The following CDH13 variants were observed in gnomAD, a reference collection of about 807,000 sequenced individuals.
CDH13 encodes cadherin 13, also known as cadherin-13.
A neutral mutation model predicts 63.8 loss-of-function variants in CDH13; 24 were observed. That is an observed-to-expected ratio of 0.38 (90% CI 0.27 to 0.53). The LOEUF (loss-of-function observed/expected upper bound fraction) is 0.53, where lower values mean the gene tolerates loss of function less well. Among genes scored for constraint, CDH13 ranks in the 20% least tolerant of loss-of-function variants. CDH13 has a pLI of 0.85. For synonymous variants in CDH13, 503 were observed against 355.3 expected (o/e 1.42, Z -4.67); for missense variants, 1,049 against 903.1 (o/e 1.16, Z -2.07).
chr16:83,145,379 C>G (rs535162479), intron 4 of CDH13, among the ~76,000 whole-genome samples: 2 of 152,290 alleles, frequency 1.3e-5, no homozygotes, highest in South Asian at 2.1e-4. Flanking sequence ...AAATAATTAT[C>G]AGAGAGCTTA....
Position 83,196,114 on chromosome 16 carries a change from G to A in CDH13, c.484-21231G>A, listed in dbSNP as rs570946512. 1.5e-4 allele frequency among the ~76,000 whole-genome samples: 23 copies of A among 152,280 alleles called. No individual in the cohort carries two copies. The East Asian group carries it at 3.9e-3, about 26-fold the overall frequency. ...CTACTAAAAATACAAAAATTAGCCA[G>A]GCTTGGTGGTGGGCACCTGTAGTGC... On this transcript the variant is annotated intron_variant, in intron 4 of 13. Coordinates refer to ENST00000567109, the MANE Select transcript of CDH13 (RefSeq NM_001257.5).
At chr16:82,732,678 T>A (rs1284862966) in intron 1 of CDH13, among the ~76,000 whole-genome samples, 1 of 152,196 alleles carries the variant, frequency 6.6e-6, no homozygotes, top group Non-Finnish European at 1.5e-5. Flanking sequence ...AATTTTCTAG[T>A]CCGTGTGCTA....
At chr16:83,672,409 C>CTTGTTTTTTTTTTT (rs1914579541) in intron 9 of CDH13, among the ~76,000 whole-genome samples, 1 of 35,108 alleles carries the variant, frequency 2.8e-5, no homozygotes, top group Non-Finnish European at 5.0e-5. Context: ...TCTGGATTCT[C>CTTGTTTTTTTTTTT]TTTTTTTTTT....
chr16:82,885,466 CCCATCCATCCATCCACCCAT>C (rs1567629780), intron 2 of CDH13, among the ~76,000 whole-genome samples: 1 of 129,224 alleles, frequency 7.7e-6, no homozygotes, highest in African/African-American at 3.0e-5. Flanking sequence ...CATCCACCTA[CCCATCCATCCATCCACCCAT>C]CCATCCATCC....
intron 5 of CDH13, among the ~76,000 whole-genome samples, chr16:83,227,398 C>T (rs1334263371): frequency 6.6e-6 from 1 of 152,070 alleles, no homozygotes; most frequent in Non-Finnish European, 1.5e-5. Context: ...GTGAAGCCAG[C>T]CTTGGGCCTC....
At chr16:83,001,288 A>G (rs1263422139) in intron 2 of CDH13, among the ~76,000 whole-genome samples, 1 of 152,248 alleles carries the variant, frequency 6.6e-6, no homozygotes, top group African/African-American at 2.4e-5. Flanking sequence ...ATGCATTTCT[A>G]GCCTTCTATT....
chr16:83,459,354 G>A (rs2073113455), intron 6 of CDH13, among the ~76,000 whole-genome samples: 1 of 152,142 alleles, frequency 6.6e-6, no homozygotes, highest in South Asian at 2.1e-4. Flanking sequence ...TAAATTATCG[G>A]ACAGAAACAC....
chr16:83,523,045 C>G (rs923661833), intron 7 of CDH13, among the ~76,000 whole-genome samples: 2 of 152,200 alleles, frequency 1.3e-5, no homozygotes, highest in African/African-American at 4.8e-5. Flanking sequence ...AATGTCACTT[C>G]TCCAAAGAAG....
intron 1 of CDH13, among the ~76,000 whole-genome samples, chr16:82,854,767 G>A (rs926330487): frequency 6.6e-6 from 1 of 152,150 alleles, no homozygotes; most frequent in Non-Finnish European, 1.5e-5. Context: ...CATGCTCCCA[G>A]AGAGATCTAT....
At chr16:83,205,715 C>G (rs1330306165) in intron 4 of CDH13, among the ~76,000 whole-genome samples, 1 of 151,372 alleles carries the variant, frequency 6.6e-6, no homozygotes, top group African/African-American at 2.4e-5. Context: ...AGCGATTCCC[C>G]TGCCTCAGCC....
intron 5 of CDH13, among the ~76,000 whole-genome samples, chr16:83,324,483 A>G (rs370525447): frequency 7.9e-5 from 12 of 152,174 alleles, no homozygotes; most frequent in African/African-American, 2.4e-4. Context: ...AACTTTTTTA[A>G]TGAAAGGAAT....
intron 4 of CDH13, among the ~76,000 whole-genome samples, chr16:83,164,149 G>T (rs1450149383): frequency 2.7e-5 from 4 of 148,354 alleles, no homozygotes; most frequent in African/African-American, 1.0e-4. Context: ...AGCGTAGGTT[G>T]CTTAGTGCCA....
At chr16:82,799,854 A>G (rs2036766381) in intron 1 of CDH13, among the ~76,000 whole-genome samples, 1 of 152,202 alleles carries the variant, frequency 6.6e-6, no homozygotes, top group East Asian at 1.9e-4. Flanking sequence ...TCTACTGATG[A>G]TGGATTTTGG....
chr16:83,497,966 C>G (rs1041010612), intron 7 of CDH13, among the ~76,000 whole-genome samples: 1 of 152,204 alleles, frequency 6.6e-6, no homozygotes, highest in African/African-American at 2.4e-5. Flanking sequence ...CAGCATAGTT[C>G]ATTTCTCCCA....
rs746864894 is a variant in CDH13 at position 83,336,383 on chromosome 16, A to C, written c.637-8479A>C. Among the ~76,000 whole-genome samples, 33 of 152,136 alleles carry C rather than the reference A, an allele frequency of 2.2e-4. 1 individual carries two copies. The highest frequency in any genetic ancestry group is 3.7e-4 in the Non-Finnish European group (25 of 68,018). On this transcript the variant is annotated intron_variant, in intron 5 of 13. Coordinates refer to ENST00000567109, the MANE Select transcript of CDH13 (RefSeq NM_001257.5). ...TGACTTATAGACGGGTTCCAATAGA[A>C]GTTTCTGAAGAGGTATTCCAGAGAT... is the stretch of plus-strand genomic sequence containing the variant.
chr16:82,989,745 A>G (rs1464234624), intron 2 of CDH13, among the ~76,000 whole-genome samples: 1 of 152,160 alleles, frequency 6.6e-6, no homozygotes, highest in Non-Finnish European at 1.5e-5. Flanking sequence ...CCACCTATAC[A>G]GAAGTGACTT....
intron 1 of CDH13, among the ~76,000 whole-genome samples, chr16:82,818,139 T>TGTGTGTGTGTGTGTG (rs1555523731): frequency 3.4e-4 from 52 of 151,466 alleles, no homozygotes; most frequent in African/African-American, 1.1e-3. Flanking sequence ...TGTGTGTGTG[T>TGTGTGTGTGTGTGTG]TTTGGGAAGA....
chr16:83,260,097 T>TACACACAC (rs61647390), intron 5 of CDH13, among the ~76,000 whole-genome samples: 4,527 of 126,458 alleles, frequency 0.036, 179 homozygotes, highest in East Asian at 0.08. Context: ...GTACCCCCAA[T>TACACACAC]ACACACACAC....
Position 83,048,813 on chromosome 16 carries a change from T to C in CDH13, c.366+16595T>C, listed in dbSNP as rs1180394901. Among the ~76,000 whole-genome samples, 3 of 152,104 alleles carry C rather than the reference T, an allele frequency of 2.0e-5. No individual in the cohort carries two copies. The East Asian group carries it at 5.8e-4, about 29-fold the overall frequency. The stretch of plus-strand genomic sequence containing the variant: ...CTCCTCTGTGAATCCTCCCCCAGCC[T>C]CCAAACGTGGTCAAATCTTCCCAGG... On this transcript the variant is annotated intron_variant, in intron 3 of 13. Transcript: ENST00000567109.
Sources: allele counts gnomAD v4.1 joint callset (sites outside exome capture counted in the v4.1 genomes callset), GRCh38; gene constraint gnomAD v4.1.1; transcripts MANE v1.5; gene names NCBI Gene and HGNC (gene_info 2026-07-23, HGNC 2026-07-21).